The following ZC3H18 variants were observed in gnomAD, a reference collection of about 807,000 sequenced individuals.
The protein encoded by ZC3H18 is zinc finger CCCH-type containing 18, also known as zinc finger CCCH domain-containing protein 18.
In ZC3H18, 8 loss-of-function variants were observed where a neutral mutation model predicts 106.1. That is an observed-to-expected ratio of 0.08 (90% CI 0.04 to 0.14). The LOEUF is 0.14. Among genes scored for constraint, ZC3H18 ranks in the 10% least tolerant of loss-of-function variants. The pLI is 1.00. For synonymous variants in ZC3H18, 635 were observed against 522.1 expected, an observed-to-expected ratio of 1.22 and a Z score of -2.95; for missense variants, 1,318 against 1,278.4, an observed-to-expected ratio of 1.03 and a Z score of -0.47.
chr16:88,570,725 G>A (rs960499007), intron 1 of ZC3H18, among the ~76,000 whole-genome samples, 159 bp downstream of exon 1: 29 of 151,666 alleles, frequency 1.9e-4, no homozygotes, highest in Non-Finnish European at 4.1e-4. Flanking sequence ...TCGGGCCCAG[G>A]GAAGGGGACC....
chr16:88,607,094 C>A (rs186563951), intron 6 of ZC3H18, among the ~76,000 whole-genome samples: 280 of 152,302 alleles, frequency 1.8e-3, no homozygotes, highest in Middle Eastern at 3.4e-3. Flanking sequence ...ACCCTGTGCG[C>A]AGTGGGGAAG....
In ZC3H18 at chr16:88,597,013, T is replaced by C. The variant is rs540849004; in HGVS notation, c.689-1165T>C. Among the ~76,000 whole-genome samples, 169 of 152,282 alleles carry C rather than the reference T, an allele frequency of 1.1e-3. 1 individual carries two copies. Among genetic ancestry groups the C allele is most frequent in the Non-Finnish European group, 1.9e-3 (130 of 68,010 alleles). The stretch of plus-strand genomic sequence containing the variant: ...TCGGCTCACTGCAAGCTCCACCTCC[T>C]GGGTTCACGCCATTCTCCTGCTTCA... On this transcript the variant is annotated intron_variant, in intron 3 of 17. Transcript: ENST00000301011.
chr16:88,630,557 A>G lies in ZC3H18; in HGVS notation c.2639A>G (p.Lys880Arg). The G allele has an allele frequency of 1.9e-6, 3 of 1,610,294 alleles. No individual in the cohort carries two copies. The highest frequency in any genetic ancestry group is 2.5e-6 in the Non-Finnish European group (3 of 1,179,240). The stretch of plus-strand genomic sequence containing the variant: ...GAGCGGCAGAGAGGCCAGAACTCCA[A>G]AGCCCCTGCAGCCCCGGCTGACAGG... Reference protein sequence around the residue: ...KPERQRGQNSKAPAAPADRKR... With the variant: ...KPERQRGQNSRAPAAPADRKR... The change falls in exon 17 of 18, where the codon AAA becomes AGA. Residue 880 changes from lysine to arginine, a missense_variant. Lys to Arg is a conservative substitution (Grantham distance 26). Transcript: ENST00000301011.
intron 8 of ZC3H18, among the ~76,000 whole-genome samples, chr16:88,619,290 G>GA (rs1227208585): frequency 6.6e-6 from 1 of 152,082 alleles, no homozygotes; most frequent in Admixed American, 6.5e-5. Context: ...AAGAAAAAAG[G>GA]AAAAAAATGG....
chr16:88,612,829 C>T (rs1343040400), intron 8 of ZC3H18, among the ~76,000 whole-genome samples: 10 of 151,346 alleles, frequency 6.6e-5, no homozygotes, highest in South Asian at 2.1e-4. Flanking sequence ...GGCAAAATCC[C>T]GTCTCTACAA....
At chr16:88,605,960 C>T (rs921846745) in intron 6 of ZC3H18, among the ~76,000 whole-genome samples, 25 of 152,220 alleles carry the variant, frequency 1.6e-4, no homozygotes. Flanking sequence ...CTGCCCAGAC[C>T]TCTGGGGACG....
intron 3 of ZC3H18, among the ~76,000 whole-genome samples, chr16:88,597,826 G>A: frequency 6.6e-6 from 1 of 152,262 alleles, no homozygotes; most frequent in East Asian, 1.9e-4. Context: ...GTACCTAGAT[G>A]AGCCTGGGCC....
intron 3 of ZC3H18, among the ~76,000 whole-genome samples, chr16:88,588,382 G>T (rs1915558243): frequency 6.6e-6 from 1 of 152,254 alleles, no homozygotes; most frequent in African/African-American, 2.4e-5. Context: ...ACTGCAGGAG[G>T]CTGCAGCATC....
chr16:88,583,849 GC>G (rs1263331407), intron 2 of ZC3H18, among the ~76,000 whole-genome samples: 6 of 152,044 alleles, frequency 3.9e-5, no homozygotes, highest in African/African-American at 1.4e-4. Context: ...GTCCACTCAG[GC>G]CCCTCCTTGT....
intron 3 of ZC3H18, among the ~76,000 whole-genome samples, chr16:88,592,871 G>A (rs1279534761): frequency 6.8e-6 from 1 of 146,766 alleles, no homozygotes; most frequent in Non-Finnish European, 1.5e-5. Context: ...TTACACTTGT[G>A]TACAGATGTA....
intron 1 of ZC3H18, among the ~76,000 whole-genome samples, chr16:88,576,234 G>T (rs1351079367): frequency 6.6e-6 from 1 of 152,022 alleles, no homozygotes; most frequent in Non-Finnish European, 1.5e-5. Context: ...CAGAGACAGG[G>T]TCTCACCATG....
Position 88,627,465 on chromosome 16 carries a change from G to A in ZC3H18, c.2109-157G>A, listed in dbSNP as rs572572059. ...TAGCCATGGGGACGTCCCTTACTTT[G>A]TAACCCTGAAACTGCCCAGTGTCCC... is the stretch of plus-strand genomic sequence containing the variant. On this transcript the variant is annotated intron_variant, in intron 13 of 17. Transcript: ENST00000301011. This position sits in a 1 kb window ranked among gnomAD's most constrained non-coding sequence, Gnocchi z 4.5. The A allele has an allele frequency of 2.3e-5, 23 of 1,011,766 alleles. No individual in the cohort carries two copies. The highest frequency in any genetic ancestry group is 3.3e-4 in the Middle Eastern group (1 of 3,036). 62.7% of individuals were successfully genotyped at this position (1,011,766 alleles called of 1,614,324 possible). A position where few individuals can be genotyped will look rare whatever the true frequency, so the allele number is the denominator to read the frequency against.
At chr16:88,577,018 T>G (rs1047541942) in intron 1 of ZC3H18, 92 bp from the exon 2 acceptor site, 1 of 1,341,094 alleles carries the variant, frequency 7.5e-7, no homozygotes, top group Non-Finnish European at 1.0e-6. Context: ...CCAAGCAGGA[T>G]GGAAGTCCTG....
intron 1 of ZC3H18, among the ~76,000 whole-genome samples, chr16:88,575,964 G>C (rs775322608): frequency 2.6e-5 from 4 of 152,142 alleles, no homozygotes; most frequent in Non-Finnish European, 2.9e-5. Context: ...GCGGTGGCGC[G>C]ATCTCAGCTC....
At chr16:88,594,020 G>A (rs1904315054) in intron 3 of ZC3H18, among the ~76,000 whole-genome samples, 1 of 152,172 alleles carries the variant, frequency 6.6e-6, no homozygotes. Flanking sequence ...CTTGCTGAGT[G>A]CGGTGTCAGG....
chr16:88,629,614 A>G (rs1020536087), intron 16 of ZC3H18, among the ~76,000 whole-genome samples: 1 of 152,204 alleles, frequency 6.6e-6, no homozygotes, highest in African/African-American at 2.4e-5. Context: ...TGCCTTCTGG[A>G]GATCCTCCCA....
At chr16:88,614,443 T>C (rs1905456525) in intron 8 of ZC3H18, among the ~76,000 whole-genome samples, 1 of 152,234 alleles carries the variant, frequency 6.6e-6, no homozygotes, top group Non-Finnish European at 1.5e-5. Context: ...GAAAGTCAGC[T>C]CTCAGGCAGG....
At chr16:88,579,919 G>A (rs979406961) in intron 2 of ZC3H18, among the ~76,000 whole-genome samples, 48 of 152,172 alleles carry the variant, frequency 3.2e-4, no homozygotes, top group African/African-American at 9.9e-4. Context: ...CGCTCCTGCT[G>A]TGGGGGCAGC....
intron 11 of ZC3H18, chr16:88,624,304 G>A (rs1324134073): frequency 1.2e-5 from 8 of 659,382 alleles, no homozygotes; most frequent in South Asian, 3.9e-5. Flanking sequence ...CTGGGGACAC[G>A]GCAGCAGCCG....
Sources: gnomAD v4.1 joint callset for allele counts (sites outside exome capture counted in the v4.1 genomes callset) on GRCh38, gnomAD v4.1.1 for gene constraint, Gnocchi (gnomAD v3.1) non-coding constraint, MANE v1.5 for transcripts, NCBI Gene and HGNC (gene_info 2026-07-23, HGNC 2026-07-21) for gene names.